The following MCTP2 variants were observed in gnomAD, a reference collection of about 807,000 sequenced individuals.
MCTP2 encodes the protein multiple C2 and transmembrane domain-containing protein 2.
Under a neutral mutation model 111.6 loss-of-function variants are expected in MCTP2, and 132 were observed. The ratio of observed to expected loss-of-function variants is 1.18; its 90% CI spans 1.03 to 1.37. MCTP2 has a LOEUF of 1.37. Ranked by LOEUF, MCTP2 falls within the 40% of genes most tolerant of loss-of-function variation. The probability of loss-of-function intolerance (pLI) is 0.00; values close to 1 mark genes in which losing one functional copy is unlikely to be tolerated. For missense variants in MCTP2, 1,183 were observed against 1,067.9 expected (o/e 1.11, Z -1.50); for synonymous variants, 395 against 387.7 (o/e 1.02, Z -0.22).
At chr15:94,398,531 G>A (rs1216866468) in intron 14 of MCTP2, among the ~76,000 whole-genome samples, 1 of 152,092 alleles carries the variant, frequency 6.6e-6, no homozygotes, top group Non-Finnish European at 1.5e-5. Context: ...TCTGTTCAAG[G>A]ACCCAATCCA....
At chr15:94,353,913 A>G (rs1045628685) in intron 8 of MCTP2, among the ~76,000 whole-genome samples, 4 of 152,136 alleles carry the variant, frequency 2.6e-5, no homozygotes, top group African/African-American at 9.7e-5. Flanking sequence ...ATCTATTTAT[A>G]TATTGTGATG....
chr15:94,453,358 A>G, intron 19 of MCTP2, among the ~76,000 whole-genome samples: 1 of 152,224 alleles, frequency 6.6e-6, no homozygotes, highest in East Asian at 1.9e-4. Context: ...TGCATGGTCC[A>G]TAATAAAACA....
chr15:94,455,979 AAATTT>A (rs1348338173), intron 19 of MCTP2, among the ~76,000 whole-genome samples: 5 of 152,248 alleles, frequency 3.3e-5, no homozygotes, highest in African/African-American at 7.2e-5. Flanking sequence ...CCAGATGATC[AAATTT>A]ATTTTAATGC....
chr15:94,427,403 C>T (rs941588075), intron 17 of MCTP2, among the ~76,000 whole-genome samples: 1 of 152,118 alleles, frequency 6.6e-6, no homozygotes, highest in African/African-American at 2.4e-5. Context: ...TAACAGGAAG[C>T]ATGACTGGGA....
At chr15:94,378,767 G>T (rs964191864) in intron 12 of MCTP2, among the ~76,000 whole-genome samples, 15 of 152,120 alleles carry the variant, frequency 9.9e-5, no homozygotes, top group African/African-American at 3.6e-4. Flanking sequence ...GTCATTATTT[G>T]TCCTAGAGAA....
At chr15:94,394,562 G>T (rs1049709463) in intron 14 of MCTP2, among the ~76,000 whole-genome samples, 1 of 152,004 alleles carries the variant, frequency 6.6e-6, no homozygotes, top group East Asian at 1.9e-4. Context: ...TCAGGAGATC[G>T]AGACCATCCT....
chr15:94,249,229 T>C (rs890518109), intron 1 of MCTP2, among the ~76,000 whole-genome samples: 5 of 152,258 alleles, frequency 3.3e-5, no homozygotes, highest in African/African-American at 1.2e-4. Context: ...TAGAATATTC[T>C]AAAACTATAT....
intron 1 of MCTP2, among the ~76,000 whole-genome samples, chr15:94,258,034 A>ATTTT (rs60905293): frequency 0.053 from 5,204 of 98,876 alleles, 291 homozygotes; most frequent in Non-Finnish European, 0.068. Context: ...CCACCATGTC[A>ATTTT]TTTTTTTTTT....
chr15:94,456,093 A>G (rs1176982553), intron 19 of MCTP2, among the ~76,000 whole-genome samples: 2 of 152,238 alleles, frequency 1.3e-5, no homozygotes, highest in Admixed American at 6.5e-5. Context: ...TCAGTCATCA[A>G]TAATCAAAAA....
At chr15:94,427,243 G>GTACT (rs1402224591) in intron 17 of MCTP2, among the ~76,000 whole-genome samples, 1 of 152,076 alleles carries the variant, frequency 6.6e-6, no homozygotes, top group African/African-American at 2.4e-5. Flanking sequence ...CTCTATGTTA[G>GTACT]TACTTTGTAC....
rs1445180869 is a variant in MCTP2, at chr15:94,443,035, T to A, written c.2250+75T>A. The A allele has an allele frequency of 2.0e-5, 22 of 1,084,656 alleles. No individual in the cohort carries two copies. In the Admixed American group the frequency reaches 4.2e-4, roughly 21 times the overall value. 67.2% of individuals were successfully genotyped at this position (1,084,656 alleles called of 1,614,324 possible). Reference sequence around the variant, plus strand: ...ACAGATAGCATTCCTTCAGGTTGAGTCTCTCTCCTCTCTTTTTTTTTTTTT... The same window carrying A: ...ACAGATAGCATTCCTTCAGGTTGAGACTCTCTCCTCTCTTTTTTTTTTTTT... On this transcript the variant is annotated intron_variant, in intron 19 of 22. Transcript: ENST00000357742.
intron 21 of MCTP2, among the ~76,000 whole-genome samples, chr15:94,472,204 CCT>C (rs1201461774): frequency 6.6e-6 from 1 of 152,128 alleles, no homozygotes; most frequent in African/African-American, 2.4e-5. Context: ...ATGGTGAAAC[CCT>C]GTTTCTACCA....
intron 17 of MCTP2, among the ~76,000 whole-genome samples, chr15:94,434,101 T>A (rs1038364530): frequency 6.6e-6 from 1 of 152,094 alleles, no homozygotes. Context: ...GTCTTTTTTT[T>A]TTATTTTTTT....
intron 4 of MCTP2, among the ~76,000 whole-genome samples, chr15:94,337,719 TTAAAA>T (rs2077437121): frequency 6.9e-6 from 1 of 145,752 alleles, no homozygotes; most frequent in African/African-American, 2.5e-5. Flanking sequence ...ATGCCCAAGT[TTAAAA>T]TAAAGACTGA....
At chr15:94,336,741 G>T (rs12917351) in intron 4 of MCTP2, among the ~76,000 whole-genome samples, 1 of 150,964 alleles carries the variant, frequency 6.6e-6, no homozygotes, top group Non-Finnish European at 1.5e-5. Context: ...GTGCATATAT[G>T]TGTGTGTATA....
chr15:94,475,987 C>T (rs1429351913), intron 21 of MCTP2, among the ~76,000 whole-genome samples: 1 of 152,154 alleles, frequency 6.6e-6, no homozygotes, highest in Non-Finnish European at 1.5e-5. Context: ...CACGCACCGA[C>T]GTTGTGATCC....
chr15:94,390,104 A>ATGTATATATATATG (rs1567603279), intron 14 of MCTP2, among the ~76,000 whole-genome samples: 1 of 40,140 alleles, frequency 2.5e-5, no homozygotes, highest in Non-Finnish European at 8.3e-5. Context: ...ATATATATAT[A>ATGTATATATATATG]TATATATATG....
chr15:94,243,942 CATAT>C (rs1219472480), intron 1 of MCTP2, among the ~76,000 whole-genome samples: 1 of 144,180 alleles, frequency 6.9e-6, no homozygotes, highest in Non-Finnish European at 1.5e-5. Flanking sequence ...TGTACACATA[CATAT>C]ATGTGTATAT....
chr15:94,469,005 A>G (rs941766425), intron 20 of MCTP2, among the ~76,000 whole-genome samples: 5 of 152,240 alleles, frequency 3.3e-5, no homozygotes, highest in South Asian at 2.1e-4. Context: ...TACAAGTTAG[A>G]CAATCTCTGT....
Sources: gnomAD v4.1 joint callset for allele counts (sites outside exome capture counted in the v4.1 genomes callset) on GRCh38, gnomAD v4.1.1 for gene constraint, MANE v1.5 for transcripts, NCBI Gene and HGNC (gene_info 2026-07-23, HGNC 2026-07-21) for gene names.